BBS4: variants seen among roughly 807,000 people sequenced by gnomAD.
The protein encoded by BBS4 is BBSome complex member BBS4.
Under a neutral mutation model 71.4 loss-of-function variants are expected in BBS4, and 58 were observed. The ratio of observed to expected loss-of-function variants is 0.81; its 90% CI spans 0.66 to 1.01. The LOEUF (loss-of-function observed/expected upper bound fraction) is 1.01. Ranked by LOEUF, BBS4 falls within the 50% of genes least tolerant of loss-of-function variation. The pLI, the probability that BBS4 is intolerant of heterozygous loss-of-function variation, is 0.00. For missense variants in BBS4, 660 were observed against 607.9 expected (o/e 1.09, Z -0.90); for synonymous variants, 228 against 216.8 (o/e 1.05, Z -0.46).
intron 13 of BBS4, 55 bp downstream of exon 13, chr15:72,735,237 A>T: frequency 7.3e-7 from 1 of 1,376,384 alleles, no homozygotes; most frequent in Non-Finnish European, 1.0e-6. Flanking sequence ...CAAAGCCATG[A>T]GGTGGTGCCA....
intron 2 of BBS4, among the ~76,000 whole-genome samples, chr15:72,699,106 T>C (rs2151002310): frequency 6.6e-6 from 1 of 152,290 alleles, no homozygotes; most frequent in Admixed American, 6.5e-5. Flanking sequence ...AATCTGGCTT[T>C]TGCTCCACCG....
At chr15:72,722,658 A>T in intron 6 of BBS4, 136 bp from the exon 7 acceptor site, 2 of 739,196 alleles carry the variant, frequency 2.7e-6, no homozygotes, top group Non-Finnish European at 4.8e-6. Context: ...GAACTCTAAT[A>T]AAAAGCTGAC....
chr15:72,737,085 C>T, intron 15 of BBS4, 122 bp downstream of exon 15: 1 of 1,235,312 alleles, frequency 8.1e-7, no homozygotes, highest in South Asian at 1.2e-5. Flanking sequence ...GTATTGGCCA[C>T]AAGGGGAGAA....
intron 2 of BBS4, among the ~76,000 whole-genome samples, chr15:72,707,869 T>C (rs118020379): frequency 0.085 from 12,892 of 152,304 alleles, 692 homozygotes; most frequent in Non-Finnish European, 0.12. Flanking sequence ...CATCGTTGAC[T>C]TCTCATTTCT....
intron 1 of BBS4, among the ~76,000 whole-genome samples, chr15:72,692,101 A>G (rs1372322934): frequency 6.6e-6 from 1 of 152,038 alleles, no homozygotes; most frequent in Non-Finnish European, 1.5e-5. Flanking sequence ...GCCTCACTTT[A>G]GTCCTAGCCC....
At chr15:72,686,514 G>T (rs1199838082) in intron 1 of BBS4, 2 of 1,513,050 alleles carry the variant, frequency 1.3e-6, no homozygotes, top group African/African-American at 2.8e-5. Context: ...CTTTTCACCA[G>T]TAATGGCTCT....
intron 10 of BBS4, among the ~76,000 whole-genome samples, chr15:72,730,170 G>T (rs1470798926): frequency 1.3e-5 from 2 of 152,008 alleles, no homozygotes; most frequent in East Asian, 1.9e-4. Context: ...CCAGCTCCTC[G>T]GGAGGCTGAG....
chr15:72,694,787 T>C (rs561020771), intron 1 of BBS4, among the ~76,000 whole-genome samples: 1 of 152,302 alleles, frequency 6.6e-6, no homozygotes, highest in South Asian at 2.1e-4. Flanking sequence ...TCTGTGTAGA[T>C]GATCTCATAA....
chr15:72,697,444 A>C (rs1458490490), intron 2 of BBS4, among the ~76,000 whole-genome samples: 1 of 152,120 alleles, frequency 6.6e-6, no homozygotes, highest in Non-Finnish European at 1.5e-5. Flanking sequence ...GTTGTCCTGT[A>C]TATTGTAGGA....
chr15:72,699,171 C>G (rs1253815369), intron 2 of BBS4, among the ~76,000 whole-genome samples: 1 of 151,798 alleles, frequency 6.6e-6, no homozygotes, highest in Non-Finnish European at 1.5e-5. Context: ...ACTGCAACCT[C>G]TGCCTCCCGG....
rs534584959 is a variant in BBS4 at position 72,689,934 on chromosome 15, C to T, written c.24+3683C>T. ...CACGCCATTCTCCAGCCTGAGCCTC[C>T]GGAGTAGCTGGGACTACAGGCGCCT... On this transcript the variant is annotated intron_variant, in intron 1 of 15. Transcript: ENST00000268057. 4.9e-3 allele frequency among the ~76,000 whole-genome samples: 750 copies of T among 152,086 alleles called. 10 individuals are homozygous for T. The highest frequency in any genetic ancestry group is 6.3e-3 in the Non-Finnish European group (431 of 67,960).
At chr15:72,696,384 C>G (rs745984142) in intron 2 of BBS4, among the ~76,000 whole-genome samples, 2 of 152,078 alleles carry the variant, frequency 1.3e-5, no homozygotes, top group Non-Finnish European at 2.9e-5. Context: ...GTAAAATTCC[C>G]TTTTTTTAGT....
At position 72,727,985 on chromosome 15, in the gene BBS4, CTACTT is replaced by C; in HGVS notation, c.634_638del (p.Tyr212ThrfsTer10). 6.2e-7 allele frequency: 1 copy of C among 1,611,444 alleles called. No individual in the cohort carries two copies. The highest frequency in any genetic ancestry group is 8.5e-7 in the Non-Finnish European group (1 of 1,177,648). On this transcript the variant is annotated frameshift_variant, in exon 9 of 16. Coordinates refer to ENST00000268057, the MANE Select transcript of BBS4 (RefSeq NM_033028.5). LOFTEE classifies it high-confidence loss of function. ...AGCTTCTTACAACTTTAGGATTACT[CTACTT>C]ACAGGTAATGAAAACTCTGTACTCA...
intron 7 of BBS4, among the ~76,000 whole-genome samples, chr15:72,724,269 G>C (rs1222855921): frequency 6.6e-6 from 1 of 152,304 alleles, no homozygotes; most frequent in Admixed American, 6.5e-5. Flanking sequence ...GTGAATATCA[G>C]GCAGAAAACA....
chr15:72,730,288 A>T (rs1255454692), intron 10 of BBS4, among the ~76,000 whole-genome samples: 4 of 150,796 alleles, frequency 2.7e-5, no homozygotes, highest in Non-Finnish European at 5.9e-5. Flanking sequence ...CAAAAAAAAA[A>T]AAAATAAAAA....
chr15:72,728,573 T>C (rs1259640796), intron 9 of BBS4, among the ~76,000 whole-genome samples: 1 of 152,166 alleles, frequency 6.6e-6, no homozygotes, highest in African/African-American at 2.4e-5. Flanking sequence ...GAGGCTGTTA[T>C]TTTGTTGTGA....
At chr15:72,705,313 T>C (rs2065244185) in intron 2 of BBS4, among the ~76,000 whole-genome samples, 1 of 152,168 alleles carries the variant, frequency 6.6e-6, no homozygotes, top group Admixed American at 6.5e-5. Context: ...GTTTTACAGA[T>C]GAGGAAACTA....
At chr15:72,722,979 A>AT (rs1263760088) in intron 7 of BBS4, 132 bp downstream of exon 7, 13 of 747,014 alleles carry the variant, frequency 1.7e-5, no homozygotes, top group African/African-American at 5.3e-5. Context: ...ACCTTTATAC[A>AT]TTTTTTTCTG....
At position 72,738,276 on chromosome 15, in the gene BBS4, A is replaced by G. The variant is rs1395025474; in HGVS notation, c.*689A>G. 2.2e-6 allele frequency: 1 copy of G among 453,972 alleles called. No homozygotes were observed. Among genetic ancestry groups the G allele is most frequent in the Non-Finnish European group, 4.4e-6 (1 of 226,790 alleles). 28.1% of individuals were successfully genotyped at this position (453,972 alleles called of 1,614,324 possible). A position where few individuals can be genotyped will look rare whatever the true frequency, so the allele number is the denominator to read the frequency against. ...CCAGGGCTTGTCTGGATCAGCACCA[A>G]CGATTTTAAAGAAAAAAGGAAGAGT... is the stretch of plus-strand genomic sequence containing the variant. On this transcript the variant is annotated 3_prime_UTR_variant, in exon 16 of 16. Transcript: ENST00000268057.
Sources: allele counts gnomAD v4.1 joint callset (sites outside exome capture counted in the v4.1 genomes callset), GRCh38; gene constraint gnomAD v4.1.1; transcripts MANE v1.5; gene names NCBI Gene and HGNC (gene_info 2026-07-23, HGNC 2026-07-21).